The following CFAP54 variants were observed in gnomAD, a reference collection of about 807,000 sequenced individuals.
CFAP54 encodes cilia and flagella associated protein 54.
Under a neutral mutation model 370.4 loss-of-function variants are expected in CFAP54, and 290 were observed. The ratio of observed to expected loss-of-function variants is 0.78; its 90% CI spans 0.71 to 0.86. CFAP54 has a LOEUF of 0.86. Ranked by LOEUF, CFAP54 falls within the 40% of genes least tolerant of loss-of-function variation. CFAP54 has a pLI of 0.00. For missense variants in CFAP54, 3,399 were observed against 3,528.7 expected, an observed-to-expected ratio of 0.96 and a Z score of 0.93; for synonymous variants, 1,206 against 1,236.5, an observed-to-expected ratio of 0.98 and a Z score of 0.52.
intron 8 of CFAP54, among the ~76,000 whole-genome samples, chr12:96,523,412 G>A (rs1317201100): frequency 6.6e-6 from 1 of 152,082 alleles, no homozygotes; most frequent in Non-Finnish European, 1.5e-5. Flanking sequence ...ACATTTAGGA[G>A]TAATCCTTTT....
chr12:96,689,194 T>C (rs1957362170), intron 43 of CFAP54, among the ~76,000 whole-genome samples: 1 of 152,026 alleles, frequency 6.6e-6, no homozygotes. Context: ...GGAGTCTCAC[T>C]CTGTCAGCCA....
intron 1 of CFAP54, among the ~76,000 whole-genome samples, chr12:96,494,031 A>G (rs1954919089): frequency 6.6e-6 from 1 of 152,194 alleles, no homozygotes; most frequent in Non-Finnish European, 1.5e-5. Context: ...GGGAGGTGCC[A>G]TTAAGCTGAG....
At chr12:96,598,196 G>T (rs1956199217) in intron 25 of CFAP54, among the ~76,000 whole-genome samples, 1 of 151,926 alleles carries the variant, frequency 6.6e-6, no homozygotes, top group Non-Finnish European at 1.5e-5. Flanking sequence ...GATTTCCTGA[G>T]ATATGAATGT....
At position 96,564,688 on chromosome 12, in the gene CFAP54, G is replaced by A; in HGVS notation, c.2542G>A (p.Ala848Thr). 1.6e-6 allele frequency: 1 copy of A among 636,520 alleles called. No homozygotes were observed. The highest frequency in any genetic ancestry group is 2.8e-6 in the Non-Finnish European group (1 of 361,302). The allele number at this position is 636,520 out of a possible 1,614,324, so 39.4% of individuals were successfully genotyped here. A position where few individuals can be genotyped will look rare whatever the true frequency, so the allele number is the denominator to read the frequency against. Residue 848 changes from alanine to threonine, a missense_variant, in exon 19 of 68, where the codon GCA (alanine) becomes ACA (threonine). Ala to Thr is a moderately conservative substitution (Grantham distance 58, BLOSUM62 0). This residue lies in a region of CFAP54 where 2,796 missense variants were observed against 2,869.7 expected (regional missense o/e 0.97). Coordinates refer to ENST00000524981, the MANE Select transcript of CFAP54 (RefSeq NM_001306084.2). ...NKIKKNTLSK[A>T]IYLMQKALLI... ...AATAAAGAAGAATACATTATCCAAA[G>A]CAATTTACTTAATGCAGAAAGCTCT...
At position 96,658,052 on chromosome 12, in the gene CFAP54, G is replaced by A; in HGVS notation, c.5271G>A (p.Val1757=). 6.2e-7 allele frequency: 1 copy of A among 1,613,426 alleles called. No individual in the cohort carries two copies. The highest frequency in any genetic ancestry group is 8.5e-7 in the Non-Finnish European group (1 of 1,179,864). Reference sequence around the variant, plus strand: ...AATCTCTGGAAGTTTTATATCAAGTGGAAAAATGGGAAACACTAGTATCTC... The same window carrying A: ...AATCTCTGGAAGTTTTATATCAAGTAGAAAAATGGGAAACACTAGTATCTC... ...VLKSLEVLYQ[V]EKWETLVSLA... Residue 1757 remains valine (V), a synonymous_variant, in exon 37 of 68, where the codon GTG becomes GTA. Coordinates refer to ENST00000524981, the MANE Select transcript of CFAP54 (RefSeq NM_001306084.2).
chr12:96,563,476 G>A (rs956968894), intron 17 of CFAP54, among the ~76,000 whole-genome samples: 1 of 152,124 alleles, frequency 6.6e-6, no homozygotes, highest in Admixed American at 6.5e-5. Context: ...TTTTTTTGCA[G>A]TCTCATCCTT....
intron 36 of CFAP54, among the ~76,000 whole-genome samples, chr12:96,654,516 A>C (rs868561319): frequency 1.3e-5 from 2 of 151,034 alleles, no homozygotes; most frequent in African/African-American, 4.9e-5. Context: ...AAAAAAAAAA[A>C]TTTATGGGGT....
At chr12:96,825,831 TATATA>T (rs1181902223) in intron 65 of CFAP54, among the ~76,000 whole-genome samples, 2 of 133,118 alleles carry the variant, frequency 1.5e-5, no homozygotes, top group Admixed American at 8.2e-5. Context: ...TATAAATTAG[TATATA>T]ATATAATTTA....
chr12:96,708,619 A>G lies in CFAP54; in HGVS notation c.6540A>G (p.Glu2180=). 6.3e-7 allele frequency: 1 copy of G among 1,589,500 alleles called. No individual in the cohort carries two copies. The highest frequency in any genetic ancestry group is 1.4e-5 in the African/African-American group (1 of 73,392). Residue 2180 remains glutamate (E), a synonymous_variant, in exon 48 of 68, where the codon GAA becomes GAG. Coordinates refer to ENST00000524981, the MANE Select transcript of CFAP54 (RefSeq NM_001306084.2). Reference sequence around the variant, plus strand: ...TTTCCATTTTTTAGGCAATTGATGAATTAAGAAATAAAGGCTTGCCTGCAG... The same window carrying G: ...TTTCCATTTTTTAGGCAATTGATGAGTTAAGAAATAAAGGCTTGCCTGCAG... The part of the protein sequence containing the change: ...TSKENIQAID[E]LRNKGLPAVL...
chr12:96,549,449 T>A (rs2136395764), intron 15 of CFAP54, among the ~76,000 whole-genome samples: 1 of 152,268 alleles, frequency 6.6e-6, no homozygotes, highest in East Asian at 1.9e-4. Context: ...TGCTGGGAAA[T>A]CGTCAAAATA....
intron 48 of CFAP54, among the ~76,000 whole-genome samples, chr12:96,711,110 C>T (rs1957608630): frequency 6.6e-6 from 1 of 152,110 alleles, no homozygotes; most frequent in Non-Finnish European, 1.5e-5. Flanking sequence ...TTAAAATTAT[C>T]TATTTCTTGA....
intron 14 of CFAP54, among the ~76,000 whole-genome samples, chr12:96,542,842 C>A (rs1955591928): frequency 6.6e-6 from 1 of 152,158 alleles, no homozygotes; most frequent in African/African-American, 2.4e-5. Context: ...ATTGTATTTT[C>A]TTGACATGTC....
intron 39 of CFAP54, among the ~76,000 whole-genome samples, chr12:96,667,072 C>T (rs1226965712): frequency 1.3e-5 from 2 of 152,190 alleles, no homozygotes; most frequent in Non-Finnish European, 2.9e-5. Flanking sequence ...AAATGATTAC[C>T]CTTGACTCCA....
In CFAP54 at chr12:96,809,879, A is replaced by G. The variant is rs1320369333; in HGVS notation, c.8851-1857A>G. Among the ~76,000 whole-genome samples the G allele has an allele frequency of 3.9e-5, 6 of 152,110 alleles. No individual in the cohort carries two copies. The South Asian group carries it at 8.3e-4, about 21-fold the overall frequency. ...CCTGCCTAATTTACTACATTCTGAGAAGGGGCTGTTGTGGGGTAGCAGGAT... is the reference window on the plus strand; with the variant it reads ...CCTGCCTAATTTACTACATTCTGAGGAGGGGCTGTTGTGGGGTAGCAGGAT... On this transcript the variant is annotated intron_variant, in intron 63 of 67. Coordinates refer to ENST00000524981, the MANE Select transcript of CFAP54 (RefSeq NM_001306084.2).
intron 2 of CFAP54, among the ~76,000 whole-genome samples, chr12:96,501,634 A>T (rs1955027863): frequency 6.6e-6 from 1 of 152,124 alleles, no homozygotes; most frequent in South Asian, 2.1e-4. Context: ...ATTCTAAGTT[A>T]TGTGAACGTC....
chr12:96,758,882 C>T (rs999825417), intron 58 of CFAP54, among the ~76,000 whole-genome samples: 6 of 152,116 alleles, frequency 3.9e-5, no homozygotes, highest in Non-Finnish European at 7.3e-5. Context: ...CTGATGCCGC[C>T]GGTCTGTGGG....
chr12:96,778,287 C>T (rs1230896890), intron 60 of CFAP54, among the ~76,000 whole-genome samples: 2 of 152,136 alleles, frequency 1.3e-5, no homozygotes, highest in Admixed American at 1.3e-4. Flanking sequence ...TTATTAGTCT[C>T]TAGGTTTTTG....
rs1565918403 is a variant in CFAP54 at position 96,623,792 on chromosome 12, CTA to C, written c.3798_3799del (p.Lys1267GlufsTer9). Reference sequence around the variant, plus strand: ...GATTCTTCTAAGAAGTCTTTAAAGACTAAGAAGCCACAGCAGATACTACTGCC... The same window carrying C: ...GATTCTTCTAAGAAGTCTTTAAAGACAGAAGCCACAGCAGATACTACTGCC... On this transcript the variant is annotated frameshift_variant, in exon 28 of 68. Coordinates refer to ENST00000524981, the MANE Select transcript of CFAP54 (RefSeq NM_001306084.2). LOFTEE classifies it high-confidence loss of function. The C allele has an allele frequency of 1.3e-6, 2 of 1,534,244 alleles. No individual in the cohort carries two copies. The highest frequency in any genetic ancestry group is 1.7e-6 in the Non-Finnish European group (2 of 1,145,600).
intron 63 of CFAP54, among the ~76,000 whole-genome samples, chr12:96,804,077 T>C (rs552650167): frequency 2.6e-4 from 40 of 152,140 alleles, no homozygotes; most frequent in Middle Eastern, 3.4e-3. Flanking sequence ...AAAAAATTCA[T>C]TGAAGGAAAT....
Sources: allele counts gnomAD v4.1 joint callset (sites outside exome capture counted in the v4.1 genomes callset), GRCh38; gene constraint gnomAD v4.1.1; regional missense constraint gnomAD v4.1.1; transcripts MANE v1.5; gene names NCBI Gene and HGNC (gene_info 2026-07-23, HGNC 2026-07-21).